ADAMTS19: variants seen among roughly 807,000 people sequenced by gnomAD.
ADAMTS19 encodes ADAM metallopeptidase with thrombospondin type 1 motif 19.
ADAMTS19 carries 93 observed loss-of-function variants against 153.3 expected under a neutral mutation model. The ratio of observed to expected loss-of-function variants is 0.61; its 90% CI spans 0.51 to 0.72. The LOEUF (loss-of-function observed/expected upper bound fraction) is 0.72, where lower values mean the gene tolerates loss of function less well. Among genes scored for constraint, ADAMTS19 ranks in the 30% least tolerant of loss-of-function variants. The pLI is 0.00. For synonymous variants in ADAMTS19, 600 were observed against 556.6 expected (o/e 1.08, Z -1.10); for missense variants, 1,482 against 1,552.1 (o/e 0.95, Z 0.76).
intron 2 of ADAMTS19, among the ~76,000 whole-genome samples, chr5:129,470,255 T>C (rs566813682): frequency 6.6e-6 from 1 of 152,356 alleles, no homozygotes; most frequent in East Asian, 1.9e-4. Context: ...CACATATTTA[T>C]TGAGTTCATG....
chr5:129,686,548 G>A (rs568297127), intron 18 of ADAMTS19, among the ~76,000 whole-genome samples: 5 of 152,158 alleles, frequency 3.3e-5, no homozygotes, highest in African/African-American at 1.2e-4. Context: ...GCTGCACCAC[G>A]TCTAGATCCA....
intron 19 of ADAMTS19, among the ~76,000 whole-genome samples, chr5:129,698,743 A>T (rs955490659): frequency 6.6e-6 from 1 of 152,198 alleles, no homozygotes; most frequent in Non-Finnish European, 1.5e-5. Flanking sequence ...TGAGTTCCAT[A>T]GTTGGAAAAG....
At chr5:129,721,056 G>A (rs1406053746) in intron 21 of ADAMTS19, among the ~76,000 whole-genome samples, 1 of 152,118 alleles carries the variant, frequency 6.6e-6, no homozygotes, top group Admixed American at 6.5e-5. Flanking sequence ...TGTCTCATTT[G>A]GGCACTTTAG....
chr5:129,464,292 T>G (rs967032244), intron 2 of ADAMTS19, among the ~76,000 whole-genome samples: 1 of 152,260 alleles, frequency 6.6e-6, no homozygotes, highest in Non-Finnish European at 1.5e-5. Context: ...TACCTCTTCC[T>G]TTATATCTCA....
chr5:129,512,429 T>C (rs1341244908), intron 3 of ADAMTS19, among the ~76,000 whole-genome samples: 1 of 152,124 alleles, frequency 6.6e-6, no homozygotes, highest in Admixed American at 6.6e-5. Flanking sequence ...TACATGCATT[T>C]GGATACAACA....
At chr5:129,636,402 CCTT>C (rs1293839601) in intron 10 of ADAMTS19, among the ~76,000 whole-genome samples, 4 of 152,040 alleles carry the variant, frequency 2.6e-5, no homozygotes, top group African/African-American at 4.8e-5. Context: ...ATAGGTTCTT[CCTT>C]CTTTTTATTG....
chr5:129,552,802 C>T (rs1479594972), intron 7 of ADAMTS19, among the ~76,000 whole-genome samples: 3 of 151,872 alleles, frequency 2.0e-5, no homozygotes, highest in African/African-American at 4.8e-5. Context: ...TTTCATCAAC[C>T]TCCTCATATG....
At chr5:129,626,624 T>A (rs1223114923) in intron 10 of ADAMTS19, among the ~76,000 whole-genome samples, 1 of 152,078 alleles carries the variant, frequency 6.6e-6, no homozygotes, top group Non-Finnish European at 1.5e-5. Context: ...AGTAACCTAA[T>A]AGACGATAGA....
At chr5:129,681,408 T>C (rs960970565) in intron 17 of ADAMTS19, among the ~76,000 whole-genome samples, 7 of 152,176 alleles carry the variant, frequency 4.6e-5, no homozygotes, top group African/African-American at 1.7e-4. Flanking sequence ...GTACCTTCTA[T>C]TCCAAATCAG....
intron 2 of ADAMTS19, among the ~76,000 whole-genome samples, chr5:129,480,261 G>C (rs1358717135): frequency 6.6e-6 from 1 of 152,130 alleles, no homozygotes; most frequent in African/African-American, 2.4e-5. Context: ...AATCTTGACA[G>C]CTGCCTCACA....
intron 2 of ADAMTS19, among the ~76,000 whole-genome samples, chr5:129,489,351 T>C (rs1750693875): frequency 6.6e-6 from 1 of 152,152 alleles, no homozygotes; most frequent in African/African-American, 2.4e-5. Context: ...GTTATATTAT[T>C]GCTTTAAAGA....
chr5:129,725,356 T>A (rs985654249), intron 21 of ADAMTS19, among the ~76,000 whole-genome samples: 6 of 152,088 alleles, frequency 3.9e-5, no homozygotes, highest in Admixed American at 2.6e-4. Flanking sequence ...GCTGTCCACA[T>A]GCACAACGGC....
chr5:129,641,790 A>T (rs1752797243), intron 10 of ADAMTS19, 69 bp from the exon 11 acceptor site: 1 of 940,168 alleles, frequency 1.1e-6, no homozygotes, highest in East Asian at 2.6e-5. Flanking sequence ...AGCTTTCTTA[A>T]CAATGATTGG....
intron 7 of ADAMTS19, among the ~76,000 whole-genome samples, chr5:129,594,272 A>G (rs1340929380): frequency 1.3e-5 from 2 of 152,198 alleles, no homozygotes; most frequent in Non-Finnish European, 2.9e-5. Context: ...AACTCATTAA[A>G]GTGACTGAAG....
Position 129,656,970 on chromosome 5 carries a change from T to TC in ADAMTS19, c.2305-1643dup, listed in dbSNP as rs148799513. On this transcript the variant is annotated intron_variant, in intron 14 of 22. Transcript: ENST00000274487. ...AGTACTCTAGCTCTCCTCAGCTTTTTCCCCATTGGAACATGGAAAGACTTT... is the reference window on the plus strand; with the variant it reads ...AGTACTCTAGCTCTCCTCAGCTTTTTCCCCCATTGGAACATGGAAAGACTTT... 2.1e-3 allele frequency among the ~76,000 whole-genome samples: 313 copies of TC among 152,326 alleles called. 1 individual carries two copies. The highest frequency in any genetic ancestry group is 7.1e-3 in the African/African-American group (296 of 41,582).
chr5:129,577,328 CAT>C (rs1213235233), intron 7 of ADAMTS19, among the ~76,000 whole-genome samples: 2 of 152,104 alleles, frequency 1.3e-5, no homozygotes, highest in Non-Finnish European at 2.9e-5. Flanking sequence ...TGGGAATTAA[CAT>C]ATTGTTTTAT....
chr5:129,507,594 T>C (rs1223834267), intron 2 of ADAMTS19, among the ~76,000 whole-genome samples: 1 of 151,876 alleles, frequency 6.6e-6, no homozygotes, highest in Non-Finnish European at 1.5e-5. Flanking sequence ...TCTAGTATTT[T>C]AAAGGTTCAT....
chr5:129,642,042 TG>T, intron 11 of ADAMTS19, 82 bp downstream of exon 11: 1 of 720,892 alleles, frequency 1.4e-6, no homozygotes, highest in East Asian at 2.8e-5. Flanking sequence ...CAGTTACATT[TG>T]TATTCATCTT....
intron 10 of ADAMTS19, among the ~76,000 whole-genome samples, chr5:129,627,240 G>T (rs2126991975): frequency 6.6e-6 from 1 of 152,168 alleles, no homozygotes; most frequent in East Asian, 1.9e-4. Flanking sequence ...TTAGGAAAAT[G>T]AGGAGAAAGA....
Sources: allele counts gnomAD v4.1 joint callset (sites outside exome capture counted in the v4.1 genomes callset), GRCh38; gene constraint gnomAD v4.1.1; transcripts MANE v1.5; gene names NCBI Gene and HGNC (gene_info 2026-07-23, HGNC 2026-07-21).